Variants in TCF7 observed in about 807,000 individuals in gnomAD.
TCF7 encodes transcription factor 7, also known as T-cell-factor-7.
Under a neutral mutation model 46.8 loss-of-function variants are expected in TCF7, and 19 were observed. That is an observed-to-expected ratio of 0.41 (90% confidence interval 0.28 to 0.60). The LOEUF (loss-of-function observed/expected upper bound fraction) is 0.60. Ranked by LOEUF, TCF7 falls within the 20% of genes least tolerant of loss-of-function variation. TCF7 has a pLI of 0.35. For missense variants in TCF7, 547 were observed against 504.6 expected, an observed-to-expected ratio of 1.08 and a Z score of -0.81; for synonymous variants, 245 against 213.4, an observed-to-expected ratio of 1.15 and a Z score of -1.29.
intron 1 of TCF7, 22 bp downstream of exon 1, chr5:134,115,177 C>T: frequency 3.8e-6 from 4 of 1,055,764 alleles, no homozygotes; most frequent in Non-Finnish European, 4.6e-6. Flanking sequence ...CCGGCGCCGG[C>T]TCCTCCCCCG....
At chr5:134,121,060 T>TG (rs917371580) in intron 3 of TCF7, among the ~76,000 whole-genome samples, 2 of 152,216 alleles carry the variant, frequency 1.3e-5, no homozygotes, top group African/African-American at 4.8e-5. Context: ...ACCCTGGGAC[T>TG]GGGGACTCAG....
intron 3 of TCF7, among the ~76,000 whole-genome samples, chr5:134,125,936 A>G (rs1757290098): frequency 6.6e-6 from 1 of 152,226 alleles, no homozygotes; most frequent in Admixed American, 6.5e-5. Context: ...ACCAACTGCA[A>G]ACCACTCTTT....
chr5:134,146,334 C>T lies in TCF7; in HGVS notation c.*31C>T. 1 of 1,611,964 alleles carries T rather than the reference C, an allele frequency of 6.2e-7. No homozygotes were observed. The highest frequency in any genetic ancestry group is 8.5e-7 in the Non-Finnish European group (1 of 1,178,112). On this transcript the variant is annotated 3_prime_UTR_variant, in exon 10 of 10. Transcript: ENST00000342854. The stretch of plus-strand genomic sequence containing the variant: ...CCCGGGTCCCCAGCTCCCCAGGACT[C>T]ACCCTCATACCATCTGCTGCCCCGC...
At chr5:134,133,106 G>C (rs1180979537) in intron 3 of TCF7, among the ~76,000 whole-genome samples, 1 of 152,186 alleles carries the variant, frequency 6.6e-6, no homozygotes, top group East Asian at 1.9e-4. Context: ...TGGTGGGACA[G>C]AGATGACTCT....
rs186212191 is a variant in TCF7 at position 134,138,213 on chromosome 5, C to T, written c.547+49C>T. On this transcript the variant is annotated intron_variant, in intron 4 of 9. Transcript: ENST00000342854. ...GCCCAGTGAAACCAGAGCCTAAGGGCCAAGACCCCAGCTTCTGAGACCAGG... is the reference window on the plus strand; with the variant it reads ...GCCCAGTGAAACCAGAGCCTAAGGGTCAAGACCCCAGCTTCTGAGACCAGG... The T allele has an allele frequency of 2.6e-6, 4 of 1,541,492 alleles. No homozygotes were observed. The Admixed American group carries it at 6.9e-5, about 26-fold the overall frequency.
chr5:134,119,585 A>G (rs1756296533), intron 3 of TCF7, among the ~76,000 whole-genome samples: 1 of 152,216 alleles, frequency 6.6e-6, no homozygotes, highest in Non-Finnish European at 1.5e-5. Context: ...ACAGTTGTCC[A>G]GGTGCCTGGG....
chr5:134,111,843 T>A (rs1025055387), upstream of TCF7, among the ~76,000 whole-genome samples: 3 of 152,204 alleles, frequency 2.0e-5, no homozygotes, highest in African/African-American at 7.2e-5. Flanking sequence ...GGTTTCAAAT[T>A]CTGACACCTT....
intron 3 of TCF7, among the ~76,000 whole-genome samples, chr5:134,117,957 A>C (rs924920353): frequency 2.0e-5 from 3 of 152,228 alleles, no homozygotes; most frequent in African/African-American, 7.2e-5. Flanking sequence ...GGACAGAGGC[A>C]GAGGTGTAAG....
chr5:134,117,793 C>T (rs1756025928), intron 3 of TCF7, among the ~76,000 whole-genome samples: 1 of 152,210 alleles, frequency 6.6e-6, no homozygotes. Context: ...ATGTATCGCA[C>T]CTGCTCCTAT....
intron 3 of TCF7, among the ~76,000 whole-genome samples, chr5:134,132,422 T>G (rs1758252662): frequency 6.6e-6 from 1 of 152,174 alleles, no homozygotes; most frequent in African/African-American, 2.4e-5. Flanking sequence ...AGCATCCTGA[T>G]CTCTTGGGGG....
chr5:134,116,824 C>T (rs1433773950), intron 3 of TCF7, among the ~76,000 whole-genome samples: 14 of 152,226 alleles, frequency 9.2e-5, no homozygotes. Flanking sequence ...AAAGAAATTC[C>T]TATTCGTGTT....
At chr5:134,145,493 T>A (rs545421304) in intron 9 of TCF7, 1 of 577,226 alleles carries the variant, frequency 1.7e-6, no homozygotes, top group South Asian at 1.9e-5. Context: ...TGACAAGGTT[T>A]ACCCAACAAG....
intron 9 of TCF7, chr5:134,144,676 G>C: frequency 1.4e-6 from 1 of 733,718 alleles, no homozygotes; most frequent in Non-Finnish European, 2.4e-6. Flanking sequence ...CTGCCTATGG[G>C]GGCTGTAGGG....
chr5:134,118,189 C>G (rs1039954563), intron 3 of TCF7, among the ~76,000 whole-genome samples: 1 of 152,170 alleles, frequency 6.6e-6, no homozygotes. Flanking sequence ...TGTCTGGAAC[C>G]AGGAATGATC....
At chr5:134,123,414 C>T (rs891554252) in intron 3 of TCF7, among the ~76,000 whole-genome samples, 2 of 152,248 alleles carry the variant, frequency 1.3e-5, no homozygotes, top group Non-Finnish European at 2.9e-5. Flanking sequence ...AAGAGACTTT[C>T]ACTGGGAGCC....
chr5:134,131,041 G>A (rs1758051094), intron 3 of TCF7, among the ~76,000 whole-genome samples: 1 of 152,192 alleles, frequency 6.6e-6, no homozygotes, highest in African/African-American at 2.4e-5. Flanking sequence ...CTTCTAGGAG[G>A]AAGTCTCATT....
At chr5:134,135,792 G>A (rs529600003) in intron 3 of TCF7, among the ~76,000 whole-genome samples, 1 of 152,204 alleles carries the variant, frequency 6.6e-6, no homozygotes, top group Non-Finnish European at 1.5e-5. Flanking sequence ...GTTTAAAGCT[G>A]TAAACCCAGA....
intron 3 of TCF7, among the ~76,000 whole-genome samples, chr5:134,137,165 T>C (rs1758980882): frequency 1.3e-5 from 2 of 152,350 alleles, no homozygotes; most frequent in African/African-American, 2.4e-5. Flanking sequence ...GGCTCACGCC[T>C]GTAATCCCAG....
In TCF7 at chr5:134,116,205, G is replaced by A; in HGVS notation, c.441+172G>A. 4 of 1,383,142 alleles carry A rather than the reference G, an allele frequency of 2.9e-6. No homozygotes were observed. In the South Asian group the frequency reaches 6.3e-5, roughly 22 times the overall value. 85.7% of individuals were successfully genotyped at this position (1,383,142 alleles called of 1,614,324 possible). On this transcript the variant is annotated intron_variant, in intron 3 of 9. Coordinates refer to ENST00000342854, the MANE Select transcript of TCF7 (RefSeq NM_003202.5). ...GAACCAAAAGGAGAACTTTGCTGAA[G>A]GAAGGAGGGGCCGCCCTGGGGCACC...
Sources: gnomAD v4.1 joint callset for allele counts (sites outside exome capture counted in the v4.1 genomes callset) on GRCh38, gnomAD v4.1.1 for gene constraint, MANE v1.5 for transcripts, NCBI Gene and HGNC (gene_info 2026-07-23, HGNC 2026-07-21) for gene names.